Variants in LRRC17 observed in about 807,000 individuals in gnomAD.
The protein encoded by LRRC17 is leucine-rich repeat-containing protein 17.
LRRC17 carries 33 observed loss-of-function variants against 41.5 expected under a neutral mutation model. The observed-to-expected ratio is 0.80, with a 90% CI of 0.60 to 1.06. The LOEUF (loss-of-function observed/expected upper bound fraction) is 1.06, where lower values mean the gene tolerates loss of function less well. Among genes scored for constraint, LRRC17 ranks in the 50% least tolerant of loss-of-function variants. The probability of loss-of-function intolerance (pLI) is 0.00; values close to 1 mark genes in which losing one functional copy is unlikely to be tolerated. For synonymous variants in LRRC17, 192 were observed against 197.0 expected (o/e 0.97, Z 0.21); for missense variants, 491 against 519.3 (o/e 0.95, Z 0.53).
At chr7:102,926,704 C>T (rs566394885) in intron 1 of LRRC17, among the ~76,000 whole-genome samples, 1 of 152,176 alleles carries the variant, frequency 6.6e-6, no homozygotes, top group Non-Finnish European at 1.5e-5. Flanking sequence ...ACACTTCTGA[C>T]TCTTCATATG....
chr7:102,923,433 G>A (rs1817479657), intron 1 of LRRC17, among the ~76,000 whole-genome samples: 1 of 152,160 alleles, frequency 6.6e-6, no homozygotes, highest in South Asian at 2.1e-4. Context: ...TTTCACCGTA[G>A]AGATACAATG....
chr7:102,922,900 C>G (rs966404969), intron 1 of LRRC17, among the ~76,000 whole-genome samples: 1 of 152,058 alleles, frequency 6.6e-6, no homozygotes. Context: ...ATGGCATGAA[C>G]CCGGGAGGCG....
chr7:102,913,343 T>A lies in LRRC17; in HGVS notation c.-141+198T>A, dbSNP rs985772283. 7.9e-6 allele frequency: 9 copies of A among 1,139,724 alleles called. No homozygotes were observed. In the African/African-American group the frequency reaches 1.1e-4, roughly 14 times the overall value. 70.6% of individuals were successfully genotyped at this position (1,139,724 alleles called of 1,614,324 possible). A position where few individuals can be genotyped will look rare whatever the true frequency, so the allele number is the denominator to read the frequency against. On this transcript the variant is annotated intron_variant, in intron 1 of 3. Coordinates refer to ENST00000339431, the MANE Select transcript of LRRC17 (RefSeq NM_001031692.3). ...TCTTGCAGATGTTCAACATTTAACT[T>A]TACTGTTAACTCTCTACCTGTTAAT...
Position 102,932,231 on chromosome 7 carries a change from G to C in LRRC17, c.-140-1543G>C, listed in dbSNP as rs113921744. On this transcript the variant is annotated intron_variant, in intron 1 of 3. Transcript: ENST00000339431. ...AGCTTTTAGCTTGAAAGCACTTGAA[G>C]AAAACCAACCTGGTTTTTTGTGCCT... is the stretch of plus-strand genomic sequence containing the variant. Among the ~76,000 whole-genome samples, 329 of 152,258 alleles carry C rather than the reference G, an allele frequency of 2.2e-3. 1 individual carries two copies. The highest frequency in any genetic ancestry group is 7.7e-3 in the African/African-American group (320 of 41,568).
At chr7:102,918,884 A>T (rs1164952402) in intron 1 of LRRC17, among the ~76,000 whole-genome samples, 1 of 152,242 alleles carries the variant, frequency 6.6e-6, no homozygotes, top group Non-Finnish European at 1.5e-5. Flanking sequence ...ACATACATGT[A>T]CATATATTCA....
At chr7:102,923,430 G>A (rs576739537) in intron 1 of LRRC17, among the ~76,000 whole-genome samples, 10 of 152,254 alleles carry the variant, frequency 6.6e-5, no homozygotes, top group African/African-American at 1.9e-4. Flanking sequence ...CATTTTCACC[G>A]TAGAGATACA....
intron 1 of LRRC17, among the ~76,000 whole-genome samples, chr7:102,928,427 G>A (rs1818535346): frequency 6.6e-6 from 1 of 152,144 alleles, no homozygotes; most frequent in Non-Finnish European, 1.5e-5. Flanking sequence ...AAAGCTCTTC[G>A]AATGAGTGTT....
intron 1 of LRRC17, among the ~76,000 whole-genome samples, chr7:102,925,900 C>T (rs929010783): frequency 5.3e-5 from 8 of 149,832 alleles, no homozygotes; most frequent in Admixed American, 4.6e-4. Context: ...AAGATCATGC[C>T]ACTGCACTGC....
At chr7:102,938,115 A>G (rs1352714158) in intron 2 of LRRC17, among the ~76,000 whole-genome samples, 1 of 152,260 alleles carries the variant, frequency 6.6e-6, no homozygotes, top group African/African-American at 2.4e-5. Flanking sequence ...AATAAATGTG[A>G]GACTAATTGA....
chr7:102,944,575 A>T lies in LRRC17; in HGVS notation c.1294A>T (p.Lys432Ter). ...EKKHRDHTAK[K>*]QSVIITIVG ...AAAACATAGAGATCACACCGCAAAG[A>T]AGCAAAGCGTAATAATTACTATAGT... is the stretch of plus-strand genomic sequence containing the variant. The change falls in exon 4 of 4, where the codon AAG (lysine) becomes TAG (stop). Residue 432 changes from lysine (K) to a stop codon, truncating the protein, a stop_gained. Transcript: ENST00000339431. LOFTEE classifies it high-confidence loss of function. 6.2e-7 allele frequency: 1 copy of T among 1,610,136 alleles called. No individual in the cohort carries two copies. Among genetic ancestry groups the T allele is most frequent in the Admixed American group, 1.7e-5 (1 of 59,108 alleles).
chr7:102,944,128 A>T, intron 3 of LRRC17, 82 bp from the exon 4 acceptor site: 1 of 1,102,142 alleles, frequency 9.1e-7, no homozygotes, highest in Non-Finnish European at 1.3e-6. Context: ...GCCTCTTTTT[A>T]AAATTTGTAT....
intron 1 of LRRC17, among the ~76,000 whole-genome samples, chr7:102,924,668 G>T (rs1389698536): frequency 6.8e-6 from 1 of 147,742 alleles, no homozygotes; most frequent in African/African-American, 2.5e-5. Flanking sequence ...TTGAGATGGG[G>T]TCTCGCTCTG....
chr7:102,926,438 T>C, intron 1 of LRRC17: 1 of 1,269,734 alleles, frequency 7.9e-7, no homozygotes, highest in Non-Finnish European at 1.1e-6. Flanking sequence ...TTCCCCATTA[T>C]CTTTCTATTA....
At position 102,933,949 on chromosome 7, in the gene LRRC17, T is replaced by C. The variant is rs761488115; in HGVS notation, c.36T>C (p.Phe12=). Reference sequence around the variant, plus strand: ...TTACCATTGTAATCTTGCTCTGCTTTTGCAAAGCGGCTGAGCTGCGCAAAG... The same window carrying C: ...TTACCATTGTAATCTTGCTCTGCTTCTGCAAAGCGGCTGAGCTGCGCAAAG... The part of the protein sequence containing the change: ...RVVTIVILLC[F]CKAAELRKAS... The change falls in exon 2 of 4, where the codon TTT becomes TTC. Residue 12 remains phenylalanine (F), a synonymous_variant. Transcript: ENST00000339431. The C allele has an allele frequency of 3.1e-6, 5 of 1,612,812 alleles. No homozygotes were observed. The Admixed American group carries it at 8.3e-5, about 27-fold the overall frequency.
intron 1 of LRRC17, among the ~76,000 whole-genome samples, chr7:102,926,057 G>A (rs1015273712): frequency 4.6e-5 from 7 of 152,130 alleles, no homozygotes; most frequent in Admixed American, 4.6e-4. Context: ...CAAGCTACTG[G>A]GCACATTGCT....
intron 1 of LRRC17, among the ~76,000 whole-genome samples, chr7:102,927,839 C>T (rs916458650): frequency 1.3e-5 from 2 of 152,224 alleles, no homozygotes; most frequent in African/African-American, 4.8e-5. Flanking sequence ...TAGAGAATAA[C>T]CACGTGTGGC....
At chr7:102,923,207 C>T (rs1026211206) in intron 1 of LRRC17, among the ~76,000 whole-genome samples, 5 of 152,126 alleles carry the variant, frequency 3.3e-5, no homozygotes, top group South Asian at 4.1e-4. Context: ...TTCACAATGT[C>T]GTGGCTACAG....
chr7:102,926,128 A>AT, intron 1 of LRRC17: 1 of 647,538 alleles, frequency 1.5e-6, no homozygotes, highest in Non-Finnish European at 2.6e-6. Context: ...TAGGGACTTG[A>AT]AAGCAGCAGA....
intron 1 of LRRC17, among the ~76,000 whole-genome samples, chr7:102,914,557 C>G (rs751175653): frequency 5.0e-4 from 76 of 152,244 alleles, no homozygotes; most frequent in Non-Finnish European, 1.0e-3. Context: ...AAGTTTACCT[C>G]CCATAAATGG....
Sources: allele counts gnomAD v4.1 joint callset (sites outside exome capture counted in the v4.1 genomes callset), GRCh38; gene constraint gnomAD v4.1.1; transcripts MANE v1.5; gene names NCBI Gene and HGNC (gene_info 2026-07-23, HGNC 2026-07-21).